Variants in ESRRG observed in about 807,000 individuals in gnomAD.
ESRRG encodes estrogen-related receptor gamma.
A neutral mutation model predicts 44.0 loss-of-function variants in ESRRG; 13 were observed. The ratio of observed to expected loss-of-function variants is 0.30; its 90% CI spans 0.19 to 0.47. The LOEUF is 0.47. Among genes scored for constraint, ESRRG ranks in the 20% least tolerant of loss-of-function variants. ESRRG has a pLI of 1.00. For missense variants in ESRRG, 395 were observed against 580.6 expected, an observed-to-expected ratio of 0.68 and a Z score of 3.29; for synonymous variants, 215 against 214.6, an observed-to-expected ratio of 1.00 and a Z score of -0.02.
At chr1:216,833,335 C>A (rs2095515672) in intron 2 of ESRRG, among the ~76,000 whole-genome samples, 1 of 152,172 alleles carries the variant, frequency 6.6e-6, no homozygotes, top group African/African-American at 2.4e-5. Context: ...TCAATTTAGT[C>A]ATAAGAATTC....
chr1:216,585,815 C>A (rs868580751), intron 3 of ESRRG, among the ~76,000 whole-genome samples: 1 of 151,954 alleles, frequency 6.6e-6, no homozygotes, highest in African/African-American at 2.4e-5. Context: ...CCGAGGTGGG[C>A]GGATCACGAG....
intron 2 of ESRRG, among the ~76,000 whole-genome samples, chr1:216,902,781 C>T (rs150468260): frequency 1.2e-3 from 177 of 152,308 alleles, no homozygotes; most frequent in African/African-American, 4.1e-3. Flanking sequence ...CTAGGCTGCA[C>T]TACCTCATGG....
At chr1:217,119,148 T>C in intron 1 of ESRRG, among the ~76,000 whole-genome samples, 1 of 152,302 alleles carries the variant, frequency 6.6e-6, no homozygotes, top group East Asian at 1.9e-4. Flanking sequence ...CTTATGCCAA[T>C]TTGGGTTAAT....
intron 3 of ESRRG, among the ~76,000 whole-genome samples, chr1:216,606,172 C>T (rs1360093876): frequency 6.6e-6 from 1 of 152,182 alleles, no homozygotes; most frequent in Non-Finnish European, 1.5e-5. Flanking sequence ...AGTGAAATAC[C>T]TAGCTGTTAT....
rs191192294 is a variant in ESRRG, at chr1:216,651,539, T to C, written c.473-450A>G. On this transcript the variant is annotated intron_variant, in intron 2 of 6. Transcript: ENST00000408911. ...TGACACTGAACAGTATAAACTTCACTGTGGAAAATGATATGTAAACAAATA... is the reference window on the plus strand; with the variant it reads ...TGACACTGAACAGTATAAACTTCACCGTGGAAAATGATATGTAAACAAATA... 1.8e-3 allele frequency among the ~76,000 whole-genome samples: 278 copies of C among 152,324 alleles called. 3 individuals are homozygous for C. Among genetic ancestry groups the C allele is most frequent in the Admixed American group, 6.8e-3 (104 of 15,288 alleles).
chr1:216,737,225 T>C (rs2090069702), intron 2 of ESRRG, among the ~76,000 whole-genome samples: 1 of 152,168 alleles, frequency 6.6e-6, no homozygotes, highest in South Asian at 2.1e-4. Context: ...AGCAAAAGCC[T>C]TAAAATTGGT....
intron 1 of ESRRG, among the ~76,000 whole-genome samples, chr1:216,971,441 A>C: frequency 6.6e-6 from 1 of 152,180 alleles, no homozygotes; most frequent in East Asian, 1.9e-4. Context: ...GACATTGGGC[A>C]CGGGCCATTC....
intron 1 of ESRRG, among the ~76,000 whole-genome samples, chr1:217,027,698 A>G (rs919536732): frequency 6.6e-6 from 1 of 152,140 alleles, no homozygotes; most frequent in African/African-American, 2.4e-5. Context: ...AAAAGAAACT[A>G]CCCACAGATC....
At chr1:216,792,493 G>A (rs978285451) in intron 2 of ESRRG, among the ~76,000 whole-genome samples, 14 of 152,112 alleles carry the variant, frequency 9.2e-5, no homozygotes, top group Non-Finnish European at 1.8e-4. Flanking sequence ...ACTATTCAGG[G>A]AAAAAGGGGA....
chr1:217,061,139 G>C (rs1158742744), intron 1 of ESRRG, among the ~76,000 whole-genome samples: 19 of 151,956 alleles, frequency 1.3e-4, no homozygotes, highest in Admixed American at 1.2e-3. Context: ...AGTTAACAAT[G>C]TGTAAAATGT....
chr1:216,554,287 C>T (rs2057046729), intron 5 of ESRRG, among the ~76,000 whole-genome samples: 1 of 151,888 alleles, frequency 6.6e-6, no homozygotes, highest in South Asian at 2.1e-4. Flanking sequence ...AACTCCTCCT[C>T]TACTAAACAT....
Position 216,959,392 on chromosome 1 carries a change from T to C in ESRRG, c.-105-19719A>G, listed in dbSNP as rs140428450. ...CTCCCAAACACTGTACCAAATCAAT[T>C]TGATTTTTAAGAAATGAGGCCAGGA... On this transcript the variant is annotated intron_variant, in intron 1 of 7. Transcript: ENST00000359162. 5.4e-4 allele frequency among the ~76,000 whole-genome samples: 82 copies of C among 152,154 alleles called. 1 individual carries two copies. The East Asian group carries it at 0.012, about 22-fold the overall frequency.
At chr1:216,939,148 A>G (rs930823144) in intron 2 of ESRRG, among the ~76,000 whole-genome samples, 3 of 152,068 alleles carry the variant, frequency 2.0e-5, no homozygotes. Context: ...CAAGACGTAA[A>G]GAAGAGTAAT....
intron 2 of ESRRG, among the ~76,000 whole-genome samples, chr1:216,841,069 C>T (rs1388036334): frequency 6.6e-6 from 1 of 152,190 alleles, no homozygotes; most frequent in African/African-American, 2.4e-5. Flanking sequence ...CATGCAAGAT[C>T]TGTGAAGCTC....
At chr1:216,577,865 G>A (rs1034166021) in intron 3 of ESRRG, among the ~76,000 whole-genome samples, 1 of 152,008 alleles carries the variant, frequency 6.6e-6, no homozygotes, top group Non-Finnish European at 1.5e-5. Flanking sequence ...AGATCATACG[G>A]GCAACCTTGG....
intron 1 of ESRRG, among the ~76,000 whole-genome samples, chr1:217,001,406 G>A (rs1035603243): frequency 6.6e-6 from 1 of 152,156 alleles, no homozygotes; most frequent in Non-Finnish European, 1.5e-5. Context: ...AAAAGCAGCC[G>A]CAGCTTTTCC....
chr1:217,017,001 C>T (rs537704868), intron 1 of ESRRG, among the ~76,000 whole-genome samples: 10 of 152,096 alleles, frequency 6.6e-5, no homozygotes, highest in Non-Finnish European at 1.5e-4. Context: ...TAACAGACTG[C>T]AAATCAATAA....
At chr1:216,536,024 T>A (rs2050837788) in intron 5 of ESRRG, among the ~76,000 whole-genome samples, 1 of 152,174 alleles carries the variant, frequency 6.6e-6, no homozygotes, top group South Asian at 2.1e-4. Flanking sequence ...CTCTGGACTA[T>A]TTTGTCCAGA....
At chr1:216,871,219 C>G (rs2096255139) in intron 2 of ESRRG, among the ~76,000 whole-genome samples, 2 of 151,822 alleles carry the variant, frequency 1.3e-5, no homozygotes, top group South Asian at 4.2e-4. Flanking sequence ...TTTTCTAATC[C>G]CCTGAGACTT....
Sources: allele counts gnomAD v4.1 joint callset (sites outside exome capture counted in the v4.1 genomes callset), GRCh38; gene constraint gnomAD v4.1.1; transcripts MANE v1.5; gene names NCBI Gene and HGNC (gene_info 2026-07-23, HGNC 2026-07-21).